The following TG variants were observed in gnomAD, a reference collection of about 807,000 sequenced individuals.
TG encodes thyroid hormones.
A neutral mutation model predicts 324.7 loss-of-function variants in TG; 270 were observed. That is an observed-to-expected ratio of 0.83 (90% CI 0.75 to 0.92). TG has a LOEUF of 0.92. Among genes scored for constraint, TG ranks in the 40% least tolerant of loss-of-function variants. The probability of loss-of-function intolerance (pLI) is 0.00; values close to 1 mark genes in which losing one functional copy is unlikely to be tolerated. For synonymous variants in TG, 1,401 were observed against 1,327.0 expected, an observed-to-expected ratio of 1.06 and a Z score of -1.21; for missense variants, 3,591 against 3,456.4, an observed-to-expected ratio of 1.04 and a Z score of -0.98.
At chr8:132,983,551 C>T (rs1831167376) in intron 35 of TG, 139 bp downstream of exon 35, 3 of 878,650 alleles carry the variant, frequency 3.4e-6, no homozygotes, top group African/African-American at 1.6e-5. Flanking sequence ...GAATTAAACA[C>T]ATGTATAAGT....
At chr8:133,047,996 T>C in intron 41 of TG, 1 of 962,384 alleles carries the variant, frequency 1.0e-6, no homozygotes, top group Non-Finnish European at 1.7e-6. Flanking sequence ...AAGGCAGGAA[T>C]GCGCCACCCA....
At chr8:133,001,667 G>A (rs885113) in intron 35 of TG, 281,102 of 831,894 alleles carry the variant, frequency 0.34, 47,951 homozygotes, top group Middle Eastern at 0.36. Flanking sequence ...GTCTCCGTCC[G>A]ATGACGACAG....
intron 35 of TG, among the ~76,000 whole-genome samples, chr8:132,997,421 C>T (rs1379035403): frequency 6.6e-6 from 1 of 152,080 alleles, no homozygotes; most frequent in African/African-American, 2.4e-5. Flanking sequence ...ATTAGCATGT[C>T]AGTGGTATTT....
chr8:132,974,309 C>T (rs1343327305), intron 34 of TG, among the ~76,000 whole-genome samples: 1 of 152,142 alleles, frequency 6.6e-6, no homozygotes, highest in East Asian at 1.9e-4. Context: ...CTTTATTTCA[C>T]CCAATATAAC....
intron 31 of TG, 102 bp downstream of exon 31, chr8:132,968,072 C>T: frequency 1.0e-5 from 14 of 1,382,222 alleles, no homozygotes; most frequent in Non-Finnish European, 1.3e-5. Context: ...AAAACATTTT[C>T]TTTATACTTT....
At chr8:133,085,983 C>T (rs1846489038) in intron 41 of TG, among the ~76,000 whole-genome samples, 1 of 152,118 alleles carries the variant, frequency 6.6e-6, no homozygotes, top group Non-Finnish European at 1.5e-5. Flanking sequence ...TGTTTACCAG[C>T]CAATGAGTAG....
At chr8:132,991,801 G>A (rs1421253465) in intron 35 of TG, among the ~76,000 whole-genome samples, 1 of 152,128 alleles carries the variant, frequency 6.6e-6, no homozygotes, top group Non-Finnish European at 1.5e-5. Flanking sequence ...TATAATTGCT[G>A]TAATGTGTGA....
At chr8:132,924,937 C>T (rs1322042979) in intron 22 of TG, among the ~76,000 whole-genome samples, 4 of 152,170 alleles carry the variant, frequency 2.6e-5, no homozygotes, top group Non-Finnish European at 5.9e-5. Context: ...GTCCCTTAAT[C>T]CTGATATCTT....
rs2256476 is a variant in TG, at chr8:133,094,892, T to G, written c.7240-152T>G. On this transcript the variant is annotated intron_variant, in intron 41 of 47. Transcript: ENST00000220616. The stretch of plus-strand genomic sequence containing the variant: ...TGCTGATATGCTGTTGACCAATCCT[T>G]ATCTTCCCATTGTGTGCAGCCCCAG... 706,751 of 989,948 alleles carry G rather than the reference T, an allele frequency of 0.71. 256,414 individuals carry two copies. Among genetic ancestry groups the G allele is most frequent in the African/African-American group, 0.81 (51,015 of 62,816 alleles). The allele number at this position is 989,948 out of a possible 1,614,324, so 61.3% of individuals were successfully genotyped here. A position where few individuals can be genotyped will look rare whatever the true frequency, so the allele number is the denominator to read the frequency against.
intron 43 of TG, among the ~76,000 whole-genome samples, chr8:133,105,417 G>A (rs951945345): frequency 1.3e-5 from 2 of 152,198 alleles, no homozygotes; most frequent in Non-Finnish European, 2.9e-5. Context: ...TGTAGGGGAA[G>A]AGGGGAATGA....
At chr8:132,949,086 G>A in intron 27 of TG, 143 bp downstream of exon 27, 1 of 771,196 alleles carries the variant, frequency 1.3e-6, no homozygotes, top group South Asian at 1.6e-5. Flanking sequence ...CAATCATACT[G>A]GATGGAAACA....
At chr8:133,052,772 C>A (rs939843141) in intron 41 of TG, among the ~76,000 whole-genome samples, 1 of 152,194 alleles carries the variant, frequency 6.6e-6, no homozygotes, top group Admixed American at 6.5e-5. Context: ...CAGACCCCAG[C>A]AAGGTGCTGT....
intron 41 of TG, among the ~76,000 whole-genome samples, chr8:133,044,094 A>C (rs777652519): frequency 2.0e-5 from 3 of 151,792 alleles, no homozygotes; most frequent in Admixed American, 1.3e-4. Flanking sequence ...AGTGAGACAC[A>C]AACAGCCAAC....
intron 41 of TG, chr8:133,049,684 C>G (rs1352707818): frequency 1.8e-6 from 1 of 551,896 alleles, no homozygotes; most frequent in Non-Finnish European, 3.3e-6. Context: ...GGTCCAACTT[C>G]CTTCATTTTA....
chr8:133,042,774 A>G (rs910226266), intron 41 of TG, among the ~76,000 whole-genome samples: 2 of 134,032 alleles, frequency 1.5e-5, no homozygotes, highest in Non-Finnish European at 3.1e-5. Flanking sequence ...GCTCACTGCA[A>G]CCTCTGCCTC....
chr8:133,094,557 C>A, intron 41 of TG: 1 of 214,414 alleles, frequency 4.7e-6, no homozygotes, highest in Non-Finnish European at 9.6e-6. Flanking sequence ...AAGCAATTTA[C>A]CCTTACAAAG....
chr8:132,879,859 T>A (rs1814404747), intron 5 of TG, among the ~76,000 whole-genome samples: 1 of 152,178 alleles, frequency 6.6e-6, no homozygotes, highest in Non-Finnish European at 1.5e-5. Flanking sequence ...AGTGGTAGGA[T>A]GAAGATGGCT....
intron 33 of TG, chr8:132,972,203 T>A: frequency 2.2e-6 from 1 of 453,146 alleles, no homozygotes; most frequent in South Asian, 2.1e-5. Context: ...ACTTAATGCT[T>A]GGTTGATTCC....
At position 133,022,000 on chromosome 8, in the gene TG, G is replaced by C. The variant is rs80285078; in HGVS notation, c.6886G>C (p.Ala2296Pro). The change falls in exon 40 of 48, where the codon GCG becomes CCG. Residue 2296 changes from alanine (A) to proline (P), a missense_variant. By Grantham distance (27) the Ala-to-Pro change is conservative (BLOSUM62 -1). Coordinates refer to ENST00000220616, the MANE Select transcript of TG (RefSeq NM_003235.5). ...VFIPQNVAPNASVLVFFHNTM... is the reference protein window; with the variant it reads ...VFIPQNVAPNPSVLVFFHNTM... ...TCTCCAATACCCACAGGCCCCTAAC[G>C]CGTCTGTGCTGGTGTTCTTCCACAA... The C allele has an allele frequency of 1.2e-6, 2 of 1,614,128 alleles. No individual in the cohort carries two copies. The highest frequency in any genetic ancestry group is 1.7e-6 in the Non-Finnish European group (2 of 1,180,030).
Sources: allele counts gnomAD v4.1 joint callset (sites outside exome capture counted in the v4.1 genomes callset), GRCh38; gene constraint gnomAD v4.1.1; transcripts MANE v1.5; gene names NCBI Gene and HGNC (gene_info 2026-07-23, HGNC 2026-07-21).